Variants in PTMS observed in about 807,000 individuals in gnomAD.
PTMS encodes parathymosin.
PTMS carries 5 observed loss-of-function variants against 18.4 expected under a neutral mutation model. The observed-to-expected ratio is 0.27, with a 90% confidence interval of 0.14 to 0.57. The LOEUF (loss-of-function observed/expected upper bound fraction) is 0.57. PTMS is among the 20% of genes least tolerant of loss of function. The pLI is 0.92. For missense variants in PTMS, 93 were observed against 124.6 expected, an observed-to-expected ratio of 0.75 and a Z score of 1.21; for synonymous variants, 53 against 47.7, an observed-to-expected ratio of 1.11 and a Z score of -0.46.
chr12:6,770,731 A>C lies in PTMS; in HGVS notation c.*289A>C. 1.9e-6 allele frequency: 1 copy of C among 514,148 alleles called. No homozygotes were observed. Among genetic ancestry groups the C allele is most frequent in the Non-Finnish European group, 3.5e-6 (1 of 282,574 alleles). The allele number at this position is 514,148 out of a possible 1,614,324, so 31.8% of individuals were successfully genotyped here. ...TCTTTCTCCCTCCCCTACCAGCCTC[A>C]TTCTTCCTCCGGTAGCCTCTCCCAC... is the stretch of plus-strand genomic sequence containing the variant. On this transcript the variant is annotated 3_prime_UTR_variant, in exon 5 of 5. Coordinates refer to ENST00000309083, the MANE Select transcript of PTMS (RefSeq NM_002824.6). This position sits in a 1 kb window ranked among gnomAD's most constrained non-coding sequence, Gnocchi z 7.3.
chr12:6,769,492 T>A (rs1384321150), intron 1 of PTMS, 111 bp from the exon 2 acceptor site: 1 of 1,187,118 alleles, frequency 8.4e-7, no homozygotes, highest in Non-Finnish European at 1.3e-6. Context: ...GTGGCCACCT[T>A]ATTCAGTTCA....
rs1941766862 is a variant in PTMS, at chr12:6,766,524, C to G, written c.-182C>G. 3.8e-6 allele frequency: 1 copy of G among 261,460 alleles called. No homozygotes were observed. Among genetic ancestry groups the G allele is most frequent in the East Asian group, 1.5e-4 (1 of 6,550 alleles). 16.2% of individuals were successfully genotyped at this position (261,460 alleles called of 1,614,324 possible). Reference sequence around the variant, plus strand: ...GCTCCAGACCCACCCCCGCCCCACCCCGCGCGCCTCTGCCGCCTCTTCCAG... The same window carrying G: ...GCTCCAGACCCACCCCCGCCCCACCGCGCGCGCCTCTGCCGCCTCTTCCAG... On this transcript the variant is annotated 5_prime_UTR_variant, in exon 1 of 5. Transcript: ENST00000309083.
At chr12:6,769,338 T>G (rs1223785518) in intron 1 of PTMS, among the ~76,000 whole-genome samples, 1 of 151,666 alleles carries the variant, frequency 6.6e-6, no homozygotes, top group Non-Finnish European at 1.5e-5. Flanking sequence ...TTGATGGGGG[T>G]GGGGATCATT....
At chr12:6,768,613 C>T (rs985481467) in intron 1 of PTMS, among the ~76,000 whole-genome samples, 2 of 152,216 alleles carry the variant, frequency 1.3e-5, no homozygotes, top group African/African-American at 4.8e-5. Context: ...ACAAGGACAC[C>T]TACCGTGTTA....
Position 6,770,532 on chromosome 12 carries a change from C to T in PTMS, c.*90C>T, listed in dbSNP as rs1941825379. ...AAGTCCAGCCACTCTTCACCTGGCTCCCTGCTCTGGGCCCTGCACCAGAGC... is the reference window on the plus strand; with the variant it reads ...AAGTCCAGCCACTCTTCACCTGGCTTCCTGCTCTGGGCCCTGCACCAGAGC... On this transcript the variant is annotated 3_prime_UTR_variant, in exon 5 of 5. Transcript: ENST00000309083. This position sits in a 1 kb window ranked among gnomAD's most constrained non-coding sequence, Gnocchi z 7.3. 4.8e-6 allele frequency: 7 copies of T among 1,460,748 alleles called. No individual in the cohort carries two copies. In the South Asian group the frequency reaches 5.7e-5, roughly 12 times the overall value. 90.5% of individuals were successfully genotyped at this position (1,460,748 alleles called of 1,614,324 possible). A position where few individuals can be genotyped will look rare whatever the true frequency, so the allele number is the denominator to read the frequency against.
Position 6,769,682 on chromosome 12 carries a change from G to A in PTMS, c.117+8G>A, listed in dbSNP as rs377468902. On this transcript the variant is annotated splice_region_variant and intron_variant, in intron 2 of 4. Transcript: ENST00000309083. ...AAGAAAGAAGTGGTGGAGGTGTGGA[G>A]GGGTGGGGGAGAGGACCACATCTGC... 1.7e-5 allele frequency: 28 copies of A among 1,613,860 alleles called. No individual in the cohort carries two copies. In the African/African-American group the frequency reaches 3.7e-4, roughly 22 times the overall value.
Position 6,770,538 on chromosome 12 carries a change from T to C in PTMS, c.*96T>C. ...AGCCACTCTTCACCTGGCTCCCTGC[T>C]CTGGGCCCTGCACCAGAGCTGCCAC... On this transcript the variant is annotated 3_prime_UTR_variant, in exon 5 of 5. Transcript: ENST00000309083. This position sits in a 1 kb window ranked among gnomAD's most constrained non-coding sequence, Gnocchi z 7.3. 1 of 1,428,388 alleles carries C rather than the reference T, an allele frequency of 7.0e-7. No individual in the cohort carries two copies. The highest frequency in any genetic ancestry group is 9.9e-7 in the Non-Finnish European group (1 of 1,013,820). The allele number at this position is 1,428,388 out of a possible 1,614,324, so 88.5% of individuals were successfully genotyped here.
At position 6,770,167 on chromosome 12, in the gene PTMS, A is replaced by C. The variant is rs1445156517; in HGVS notation, c.207A>C (p.Glu69Asp). The change falls in exon 4 of 5, where the codon GAA (glutamate) becomes GAC (aspartate). Residue 69 changes from glutamate to aspartate, a missense_variant. Coordinates refer to ENST00000309083, the MANE Select transcript of PTMS (RefSeq NM_002824.6). This position sits in a 1 kb window ranked among gnomAD's most constrained non-coding sequence, Gnocchi z 7.3. Reference protein sequence around the residue: ...EDEGEEEDEEEEEEDDEGPAL... With the variant: ...EDEGEEEDEEDEEEDDEGPAL... ...TTTCTGGCTCCTCAGATGAGGAAGAAGAAGAAGAGGATGATGAAGGGCCCG... is the reference window on the plus strand; with the variant it reads ...TTTCTGGCTCCTCAGATGAGGAAGACGAAGAAGAGGATGATGAAGGGCCCG... 6.2e-7 allele frequency: 1 copy of C among 1,614,098 alleles called. No individual in the cohort carries two copies. The highest frequency in any genetic ancestry group is 8.5e-7 in the Non-Finnish European group (1 of 1,180,002).
chr12:6,770,305 G>C lies in PTMS; in HGVS notation c.258+87G>C, dbSNP rs1941820803. On this transcript the variant is annotated intron_variant, in intron 4 of 4. Transcript: ENST00000309083. This position sits in a 1 kb window ranked among gnomAD's most constrained non-coding sequence, Gnocchi z 7.3. ...TGGATTTGGACCCAGATCCCTGTGT[G>C]GCAGGGGTGGGGGCTGGAACAGGAC... The C allele has an allele frequency of 6.2e-7, 1 of 1,606,736 alleles. No homozygotes were observed. Among genetic ancestry groups the C allele is most frequent in the Non-Finnish European group, 8.5e-7 (1 of 1,173,340 alleles).
Position 6,770,405 on chromosome 12 carries a change from C to G in PTMS, c.272C>G (p.Pro91Arg), listed in dbSNP as rs1253319713. Residue 91 changes from proline to arginine, a missense_variant, in exon 5 of 5, where the codon CCC becomes CGC. Physicochemically the swap from Pro to Arg is moderately radical, Grantham distance 103. Coordinates refer to ENST00000309083, the MANE Select transcript of PTMS (RefSeq NM_002824.6). This position sits in a 1 kb window ranked among gnomAD's most constrained non-coding sequence, Gnocchi z 7.3. The part of the protein sequence containing the change: ...RAAEEEDEAD[P>R]KRQKTENGAS... ...CCCTCTCCACAGGATGAAGCGGATC[C>G]CAAACGGCAGAAGACAGAAAATGGG... 12 of 1,613,680 alleles carry G rather than the reference C, an allele frequency of 7.4e-6. No homozygotes were observed. Among genetic ancestry groups the G allele is most frequent in the Admixed American group, 1.7e-5 (1 of 59,976 alleles).
rs752415138 is a variant in PTMS at position 6,769,690 on chromosome 12, G to GGA, written c.117+20_117+21dup. ...AGTGGTGGAGGTGTGGAGGGGTGGG[G>GGA]GAGAGGACCACATCTGCCCTACCAT... On this transcript the variant is annotated intron_variant, in intron 2 of 4. Coordinates refer to ENST00000309083, the MANE Select transcript of PTMS (RefSeq NM_002824.6). The GGA allele has an allele frequency of 6.2e-7, 1 of 1,613,400 alleles. No homozygotes were observed. Among genetic ancestry groups the GGA allele is most frequent in the African/African-American group, 1.3e-5 (1 of 74,864 alleles).
chr12:6,766,548 A>G lies in PTMS; in HGVS notation c.-158A>G, dbSNP rs1592491034. The G allele has an allele frequency of 1.4e-5, 3 of 219,058 alleles. No homozygotes were observed. Among genetic ancestry groups the G allele is most frequent in the African/African-American group, 3.4e-5 (1 of 29,256 alleles). 13.6% of individuals were successfully genotyped at this position (219,058 alleles called of 1,614,324 possible). A position where few individuals can be genotyped will look rare whatever the true frequency, so the allele number is the denominator to read the frequency against. On this transcript the variant is annotated 5_prime_UTR_variant, in exon 1 of 5. Coordinates refer to ENST00000309083, the MANE Select transcript of PTMS (RefSeq NM_002824.6). ...CCCGCGCGCCTCTGCCGCCTCTTCC[A>G]GAGACCCAGCTTGCCGAGCGGCCGC...
At chr12:6,767,595 T>C (rs982334985) in intron 1 of PTMS, 2 of 10,110 alleles carry the variant, frequency 2.0e-4, no homozygotes, top group African/African-American at 1.3e-3. Context: ...TGTATGTGTA[T>C]GGCGGGGGGG....
chr12:6,770,076 C>A lies in PTMS; in HGVS notation c.196+77C>A. 6.2e-7 allele frequency: 1 copy of A among 1,603,546 alleles called. No individual in the cohort carries two copies. ...GCAGAGTCAGGGTGGGTTTGAAGAC[C>A]TGAAGCAGGGCTGAGGGCGACCACG... On this transcript the variant is annotated intron_variant, in intron 3 of 4. Transcript: ENST00000309083. The surrounding 1 kb of genome is among the most constrained non-coding windows in gnomAD (Gnocchi z 7.3).
chr12:6,769,243 G>C (rs929977439), intron 1 of PTMS: 36 of 283,414 alleles, frequency 1.3e-4, no homozygotes, highest in Non-Finnish European at 2.3e-4. Flanking sequence ...GGACACAGGA[G>C]GGGGCGGGGC....
intron 1 of PTMS, among the ~76,000 whole-genome samples, chr12:6,768,363 G>A (rs1941798457): frequency 6.6e-6 from 1 of 152,156 alleles, no homozygotes; most frequent in African/African-American, 2.4e-5. Context: ...CAGAAATGAA[G>A]ACCTCACGGT....
In PTMS at chr12:6,770,393, A is replaced by G. The variant is rs1324022144; in HGVS notation, c.260A>G (p.Asp87Gly). ...CCCCCATTCTCTCCCTCTCCACAGG[A>G]TGAAGCGGATCCCAAACGGCAGAAG... ...PALKRAAEEE[D>G]EADPKRQKTE... The change falls in exon 5 of 5, where the codon GAT becomes GGT. Residue 87 changes from aspartate to glycine, a missense_variant and splice_region_variant. By Grantham distance (94) the Asp-to-Gly change is moderately conservative. Coordinates refer to ENST00000309083, the MANE Select transcript of PTMS (RefSeq NM_002824.6). This position sits in a 1 kb window ranked among gnomAD's most constrained non-coding sequence, Gnocchi z 7.3. 6.2e-7 allele frequency: 1 copy of G among 1,612,948 alleles called. No homozygotes were observed. Among genetic ancestry groups the G allele is most frequent in the Admixed American group, 1.7e-5 (1 of 59,938 alleles).
Position 6,766,556 on chromosome 12 carries a change from A to G in PTMS, c.-150A>G, listed in dbSNP as rs1941767502. Reference sequence around the variant, plus strand: ...CCTCTGCCGCCTCTTCCAGAGACCCAGCTTGCCGAGCGGCCGCCGCTGCCG... The same window carrying G: ...CCTCTGCCGCCTCTTCCAGAGACCCGGCTTGCCGAGCGGCCGCCGCTGCCG... On this transcript the variant is annotated 5_prime_UTR_variant, in exon 1 of 5. Transcript: ENST00000309083. 1 of 252,676 alleles carries G rather than the reference A, an allele frequency of 4.0e-6. No homozygotes were observed. The highest frequency in any genetic ancestry group is 3.9e-5 in the South Asian group (1 of 25,934). 15.7% of individuals were successfully genotyped at this position (252,676 alleles called of 1,614,324 possible).
rs1279342407 is a variant in PTMS at position 6,770,754 on chromosome 12, C to T, written c.*312C>T. The stretch of plus-strand genomic sequence containing the variant: ...TCATTCTTCCTCCGGTAGCCTCTCC[C>T]ACCTAACCTCTGCATCCCCCAGCCT... On this transcript the variant is annotated 3_prime_UTR_variant, in exon 5 of 5. Transcript: ENST00000309083. This position sits in a 1 kb window ranked among gnomAD's most constrained non-coding sequence, Gnocchi z 7.3. 11 of 467,296 alleles carry T rather than the reference C, an allele frequency of 2.4e-5. No individual in the cohort carries two copies. The highest frequency in any genetic ancestry group is 4.4e-5 in the Non-Finnish European group (11 of 252,704). 28.9% of individuals were successfully genotyped at this position (467,296 alleles called of 1,614,324 possible).
Sources: allele counts gnomAD v4.1 joint callset (sites outside exome capture counted in the v4.1 genomes callset), GRCh38; gene constraint gnomAD v4.1.1; non-coding constraint Gnocchi (gnomAD v3.1); transcripts MANE v1.5; gene names NCBI Gene and HGNC (gene_info 2026-07-23, HGNC 2026-07-21).